Variants in RGS5 observed in about 807,000 individuals in gnomAD.
RGS5 encodes regulator of G protein signaling 5.
RGS5 carries 20 observed loss-of-function variants against 18.9 expected under a neutral mutation model. That is an observed-to-expected ratio of 1.06 (90% CI 0.74 to 1.54). The LOEUF is 1.54. RGS5 is among the 40% of genes most tolerant of loss of function. RGS5 has a pLI of 0.00. For missense variants in RGS5, 201 were observed against 211.8 expected (o/e 0.95, Z 0.32); for synonymous variants, 57 against 76.2 (o/e 0.75, Z 1.31).
At chr1:163,219,986 G>A (rs555681141), upstream of RGS5, among the ~76,000 whole-genome samples, 1 of 152,154 alleles carries the variant, frequency 6.6e-6, no homozygotes, top group Non-Finnish European at 1.5e-5. Context: ...AGTAGATACC[G>A]CCAGTTTTTC....
chr1:163,272,259 T>A (rs1648741633), intron 2 of RGS5, among the ~76,000 whole-genome samples: 1 of 152,140 alleles, frequency 6.6e-6, no homozygotes, highest in Non-Finnish European at 1.5e-5. Flanking sequence ...TGTTTTAGAT[T>A]GTTTACCTTC....
At chr1:163,200,796 T>C (rs1659745702) in intron 1 of RGS5, among the ~76,000 whole-genome samples, 1 of 152,142 alleles carries the variant, frequency 6.6e-6, no homozygotes, top group East Asian at 1.9e-4. Flanking sequence ...CCTTTACCAC[T>C]CACCACTCTT....
At position 163,286,189 on chromosome 1, in the gene RGS5, ACAGCATTTAC is replaced by A. The variant is rs1018116501; in HGVS notation, c.-281+20034_-281+20043del. Among the ~76,000 whole-genome samples, 186 of 152,318 alleles carry A rather than the reference ACAGCATTTAC, an allele frequency of 1.2e-3. 1 individual carries two copies. Among genetic ancestry groups the A allele is most frequent in the African/African-American group, 4.3e-3 (180 of 41,576 alleles). On this transcript the variant is annotated intron_variant, in intron 2 of 5. Transcript: ENST00000618415. ...AAAAACCAGTACAACAATTATTTAG[ACAGCATTTAC>A]ATTGTATTAGGTGTTATAAGTAATC... is the stretch of plus-strand genomic sequence containing the variant.
intron 1 of RGS5, among the ~76,000 whole-genome samples, chr1:163,315,840 T>C (rs6695454): frequency 0.21 from 32,450 of 152,128 alleles, 3,697 homozygotes; most frequent in African/African-American, 0.3. Flanking sequence ...ACATGTATTC[T>C]AATGCCAATA....
intron 2 of RGS5, among the ~76,000 whole-genome samples, chr1:163,254,086 T>C (rs1648199162): frequency 6.6e-6 from 1 of 150,918 alleles, no homozygotes; most frequent in Non-Finnish European, 1.5e-5. Context: ...GTCTTTGCTA[T>C]TGTGAATAGT....
At chr1:163,264,655 A>G (rs1648532393) in intron 2 of RGS5, among the ~76,000 whole-genome samples, 1 of 152,106 alleles carries the variant, frequency 6.6e-6, no homozygotes, top group Non-Finnish European at 1.5e-5. Flanking sequence ...ATTTAAACAC[A>G]TTGCTGAATC....
intron 1 of RGS5, among the ~76,000 whole-genome samples, chr1:163,185,498 C>T (rs182385605): frequency 6.6e-6 from 1 of 152,258 alleles, no homozygotes; most frequent in East Asian, 1.9e-4. Context: ...CCTCTCAACC[C>T]CCCAGGCTCA....
intron 1 of RGS5, among the ~76,000 whole-genome samples, chr1:163,175,468 A>T (rs1329636358): frequency 2.0e-5 from 3 of 152,140 alleles, no homozygotes; most frequent in Non-Finnish European, 2.9e-5. Flanking sequence ...CCTTAGCGGG[A>T]GTATAAGAAT....
At chr1:163,200,752 G>T (rs965605792) in intron 1 of RGS5, among the ~76,000 whole-genome samples, 2 of 152,050 alleles carry the variant, frequency 1.3e-5, no homozygotes, top group Non-Finnish European at 2.9e-5. Flanking sequence ...ATAAATAAAA[G>T]ACTCAGTCAA....
Position 163,142,871 on chromosome 1 carries a change from A to C in RGS5, c.*4471T>G, listed in dbSNP as rs1004575737. On this transcript the variant is annotated 3_prime_UTR_variant, in exon 5 of 5. Coordinates refer to ENST00000313961, the MANE Select transcript of RGS5 (RefSeq NM_003617.4). The stretch of plus-strand genomic sequence containing the variant: ...ACAAGTAACTTGCAAGAGGCTTATT[A>C]AACTGTATATAAATGTTGAAGAGGC... 1 of 152,204 alleles carries C rather than the reference A, an allele frequency of 6.6e-6. No individual in the cohort carries two copies. Among genetic ancestry groups the C allele is most frequent in the African/African-American group, 2.4e-5 (1 of 41,462 alleles). 9.4% of individuals were successfully genotyped at this position (152,204 alleles called of 1,614,324 possible).
In RGS5 at chr1:163,147,448, G is replaced by A. The variant is rs774978465; in HGVS notation, c.440C>T (p.Ser147Phe). Reference protein sequence around the residue: ...DITMKNLVEPSLSSFDMAQKR... With the variant: ...DITMKNLVEPFLSSFDMAQKR... ...CTGGGCCATGTCAAAGCTGCTCAGG[G>A]AAGGTTCCACCAGGTTCTTCATTGT... The change falls in exon 5 of 5, where the codon TCC becomes TTC. Residue 147 changes from serine to phenylalanine, a missense_variant. Physicochemically the swap from Ser to Phe is radical, Grantham distance 155 (BLOSUM62 -2). Transcript: ENST00000313961. 2.4e-5 allele frequency: 39 copies of A among 1,612,418 alleles called. No homozygotes were observed. Among genetic ancestry groups the A allele is most frequent in the Non-Finnish European group, 3.0e-5 (35 of 1,179,220 alleles).
At chr1:163,181,315 T>C (rs1306610099) in intron 1 of RGS5, among the ~76,000 whole-genome samples, 2 of 152,110 alleles carry the variant, frequency 1.3e-5, no homozygotes, top group East Asian at 3.9e-4. Flanking sequence ...ACCATCTTTT[T>C]CTCCCTCCAC....
At chr1:163,165,926 A>C (rs1047252263) in intron 2 of RGS5, among the ~76,000 whole-genome samples, 3 of 149,092 alleles carry the variant, frequency 2.0e-5, no homozygotes, top group East Asian at 2.0e-4. Context: ...CAAAAAAAAA[A>C]CAGTAGGTCA....
At chr1:163,321,166 A>C in intron 1 of RGS5, 1 of 152,228 alleles carries the variant, frequency 6.6e-6, no homozygotes, top group Non-Finnish European at 1.5e-5. Flanking sequence ...TCACTCAGGA[A>C]TGTGCAAATT....
chr1:163,265,014 A>G (rs1648541062), intron 2 of RGS5, among the ~76,000 whole-genome samples: 1 of 152,114 alleles, frequency 6.6e-6, no homozygotes, highest in Non-Finnish European at 1.5e-5. Flanking sequence ...GCAAAAGCAT[A>G]TTACATACTT....
chr1:163,170,802 C>T (rs150955372), intron 1 of RGS5, among the ~76,000 whole-genome samples: 23 of 152,204 alleles, frequency 1.5e-4, no homozygotes, highest in African/African-American at 4.3e-4. Context: ...AAGCTCAGCA[C>T]GGCATTAGGG....
chr1:163,299,857 A>G (rs1036513681), intron 2 of RGS5, among the ~76,000 whole-genome samples: 2 of 152,200 alleles, frequency 1.3e-5, no homozygotes, highest in Non-Finnish European at 2.9e-5. Flanking sequence ...TCTTTCACCA[A>G]TGGTGCCCCC....
At chr1:163,298,938 A>G (rs768377296) in intron 2 of RGS5, among the ~76,000 whole-genome samples, 3 of 152,170 alleles carry the variant, frequency 2.0e-5, no homozygotes, top group Non-Finnish European at 4.4e-5. Flanking sequence ...ATAAAATAAA[A>G]TCCATGCTTG....
In RGS5 at chr1:163,315,165, A is replaced by G. The variant is rs564050025; in HGVS notation, c.-378+6457T>C. On this transcript the variant is annotated intron_variant, in intron 1 of 5. Coordinates refer to the RGS5 transcript ENST00000618415. The stretch of plus-strand genomic sequence containing the variant: ...TCAAATAAAATTAGACTACATTAAG[A>G]TCAGTATTTTTCCTGAGAATCTCAT... 5.3e-5 allele frequency among the ~76,000 whole-genome samples: 8 copies of G among 152,334 alleles called. No homozygotes were observed. The South Asian group carries it at 6.2e-4, about 12-fold the overall frequency.
Sources: gnomAD v4.1 joint callset for allele counts (sites outside exome capture counted in the v4.1 genomes callset) on GRCh38, gnomAD v4.1.1 for gene constraint, MANE v1.5 for transcripts, NCBI Gene and HGNC (gene_info 2026-07-23, HGNC 2026-07-21) for gene names.